Variants in NLRP2 observed in about 807,000 individuals in gnomAD.
The protein encoded by NLRP2 is NLR family pyrin domain containing 2, also known as NACHT, LRR and PYD domains-containing protein 2.
A neutral mutation model predicts 97.2 loss-of-function variants in NLRP2; 107 were observed. That is an observed-to-expected ratio of 1.10 (90% confidence interval 0.94 to 1.29). The LOEUF is 1.29. NLRP2 is among the 50% of genes most tolerant of loss of function. The pLI is 0.00. For synonymous variants in NLRP2, 663 were observed against 551.5 expected (o/e 1.20, Z -2.83); for missense variants, 1,495 against 1,330.3 (o/e 1.12, Z -1.93).
chr19:54,983,051 C>T lies in NLRP2; in HGVS notation c.1353C>T (p.Ser451=), dbSNP rs754039306. The change falls in exon 6 of 13, where the codon AGC becomes AGT. Residue 451 remains serine (S), a synonymous_variant. Coordinates refer to ENST00000448584, the MANE Select transcript of NLRP2 (RefSeq NM_017852.5). ...AQLRGALRTL[S]LLAAQGLWAQ... Reference sequence around the variant, plus strand: ...TGCGGGGCGCGCTGCGGACGCTGAGCCTCCTGGCCGCGCAGGGCCTGTGGG... The same window carrying T: ...TGCGGGGCGCGCTGCGGACGCTGAGTCTCCTGGCCGCGCAGGGCCTGTGGG... The T allele has an allele frequency of 6.2e-6, 10 of 1,611,478 alleles. No individual in the cohort carries two copies. In the Admixed American group the frequency reaches 1.5e-4, roughly 24 times the overall value.
chr19:54,996,677 C>G (rs1464015396), intron 11 of NLRP2, among the ~76,000 whole-genome samples: 2 of 152,092 alleles, frequency 1.3e-5, no homozygotes, highest in Non-Finnish European at 2.9e-5. Context: ...CTCATGCCCG[C>G]TGCCTGGATG....
At chr19:54,990,917 T>C (rs2072435454) in intron 10 of NLRP2, 1 of 554,722 alleles carries the variant, frequency 1.8e-6, no homozygotes, top group Admixed American at 3.1e-5. Flanking sequence ...TTTTCCTCTT[T>C]ATGTATGTAT....
rs766098415 is a variant in NLRP2 at position 54,983,046 on chromosome 19, C to T, written c.1348C>T (p.Leu450=). The T allele has an allele frequency of 1.2e-6, 2 of 1,611,482 alleles. No homozygotes were observed. The highest frequency in any genetic ancestry group is 8.5e-7 in the Non-Finnish European group (1 of 1,179,364). The change falls in exon 6 of 13, where the codon CTG becomes TTG. Residue 450 remains leucine, a synonymous_variant. Coordinates refer to ENST00000448584, the MANE Select transcript of NLRP2 (RefSeq NM_017852.5). The stretch of plus-strand genomic sequence containing the variant: ...ACAGCTGCGGGGCGCGCTGCGGACG[C>T]TGAGCCTCCTGGCCGCGCAGGGCCT... ...GAQLRGALRT[L]SLLAAQGLWA... is the part of the protein sequence containing the mutation.
At chr19:54,976,770 A>G (rs1487357290) in intron 3 of NLRP2, 1 of 421,994 alleles carries the variant, frequency 2.4e-6, no homozygotes, top group South Asian at 1.7e-5. Context: ...ATCCAGGGTT[A>G]AGCTGCAGAT....
rs563960353 is a variant in NLRP2 at position 54,986,313 on chromosome 19, C to T, written c.2364C>T (p.Leu788=). The change falls in exon 8 of 13, where the codon CTC becomes CTT. Residue 788 remains leucine (L), a splice_region_variant and synonymous_variant. Transcript: ENST00000448584. ...ATCCAGAATGTAACCTGCGATATCT[C>T]GGGTATATCTCTTAATCATTAAAAT... is the stretch of plus-strand genomic sequence containing the variant. ...LRHPECNLRY[L]GLVSCSATTQ... is the part of the protein sequence containing the mutation. 2.5e-5 allele frequency: 41 copies of T among 1,612,544 alleles called. No individual in the cohort carries two copies. In the Middle Eastern group the frequency reaches 6.6e-4, roughly 26 times the overall value.
rs752356355 is a variant in NLRP2 at position 54,983,683 on chromosome 19, TC to T, written c.1988del (p.Pro663ArgfsTer39). The T allele has an allele frequency of 6.2e-7, 1 of 1,613,712 alleles. No individual in the cohort carries two copies. The highest frequency in any genetic ancestry group is 8.5e-7 in the Non-Finnish European group (1 of 1,180,010). On this transcript the variant is annotated frameshift_variant, in exon 6 of 13. Transcript: ENST00000448584. LOFTEE classifies it high-confidence loss of function. ...TCACTGCAGGTAATAAAGGAGAATC[TC>T]CCGGAGAATGTCACTGCGTCTGAAT... ...KMSLQVIKEN[L>X]PENVTASESD...
chr19:54,981,259 C>A (rs1001548818), intron 4 of NLRP2, among the ~76,000 whole-genome samples: 1 of 152,028 alleles, frequency 6.6e-6, no homozygotes, highest in Non-Finnish European at 1.5e-5. Flanking sequence ...CTCCATCTCC[C>A]AGGTTCAAGC....
At chr19:54,997,801 C>A (rs1207132495) in intron 12 of NLRP2, among the ~76,000 whole-genome samples, 1 of 151,246 alleles carries the variant, frequency 6.6e-6, no homozygotes, top group Non-Finnish European at 1.5e-5. Flanking sequence ...CTATGTTCCC[C>A]AGGCTGGAGT....
intron 3 of NLRP2, among the ~76,000 whole-genome samples, chr19:54,975,101 G>GTTTTTTTTTTTTTTT (rs1190231820): frequency 2.4e-5 from 2 of 83,084 alleles, no homozygotes; most frequent in East Asian, 3.6e-4. Context: ...ACCACACCCG[G>GTTTTTTTTTTTTTTT]TTTTGTTTTT....
In NLRP2 at chr19:54,980,836, G is replaced by A. The variant is rs185346987; in HGVS notation, c.398-781G>A. ...ACCATAAAAGCAGACCTGGCCCAGT[G>A]CAGTGGTTCATGCCTGCAATCCCAG... On this transcript the variant is annotated intron_variant, in intron 4 of 12. Transcript: ENST00000448584. 2.5e-3 allele frequency among the ~76,000 whole-genome samples: 385 copies of A among 152,308 alleles called. 8 individuals are homozygous for A. The highest frequency in any genetic ancestry group is 0.022 in the Admixed American group (334 of 15,270).
At chr19:54,968,018 A>T (rs1173737105) in intron 1 of NLRP2, among the ~76,000 whole-genome samples, 1 of 150,292 alleles carries the variant, frequency 6.7e-6, no homozygotes, top group Non-Finnish European at 1.5e-5. Flanking sequence ...TCCCAGGTTC[A>T]AGCAATTCTC....
At chr19:54,983,791 A>G (rs2071832276) in intron 6 of NLRP2, 63 bp downstream of exon 6, 1 of 1,594,958 alleles carries the variant, frequency 6.3e-7, no homozygotes, top group South Asian at 1.1e-5. Context: ...CCCCTTAGGA[A>G]GAGGCCAGAG....
intron 2 of NLRP2, among the ~76,000 whole-genome samples, chr19:54,971,076 G>T (rs1472127426): frequency 6.9e-6 from 1 of 144,448 alleles, no homozygotes; most frequent in Admixed American, 7.2e-5. Context: ...GCGGTGTTTG[G>T]TTTTTTGTTC....
intron 8 of NLRP2, among the ~76,000 whole-genome samples, chr19:54,987,949 C>G (rs1169778019): frequency 6.6e-6 from 1 of 152,080 alleles, no homozygotes; most frequent in South Asian, 2.1e-4. Flanking sequence ...GAGGCTGATG[C>G]AAGAGAATTG....
chr19:54,986,556 C>CA (rs549737179), intron 8 of NLRP2, among the ~76,000 whole-genome samples: 91 of 144,592 alleles, frequency 6.3e-4, no homozygotes, highest in African/African-American at 2.2e-3. Context: ...TCTTTATCAT[C>CA]TTTTTTTTTT....
chr19:54,999,722 A>G (rs73612064), intron 12 of NLRP2, among the ~76,000 whole-genome samples: 3 of 152,146 alleles, frequency 2.0e-5, no homozygotes, highest in African/African-American at 7.2e-5. Context: ...AGTCTTTAAT[A>G]TTACATTTTA....
In NLRP2 at chr19:54,983,649, C is replaced by T; in HGVS notation, c.1951C>T (p.Gln651Ter). The change falls in exon 6 of 13, where the codon CAG becomes TAG. Residue 651 changes from glutamine to a stop codon, truncating the protein, a stop_gained. Coordinates refer to ENST00000448584, the MANE Select transcript of NLRP2 (RefSeq NM_017852.5). LOFTEE classifies it high-confidence loss of function. ...CTGCGTCAAGCACTGTCGAAACCTG[C>T]AGAAAATGTCACTGCAGGTAATAAA... The part of the protein sequence containing the change: ...SFCVKHCRNL[Q>*]KMSLQVIKEN... 1.2e-6 allele frequency: 2 copies of T among 1,614,106 alleles called. No individual in the cohort carries two copies. Among genetic ancestry groups the T allele is most frequent in the East Asian group, 2.2e-5 (1 of 44,888 alleles).
intron 11 of NLRP2, among the ~76,000 whole-genome samples, chr19:54,994,874 G>C (rs2072718976): frequency 6.6e-6 from 1 of 151,546 alleles, no homozygotes; most frequent in African/African-American, 2.4e-5. Context: ...CTCCCAAAGT[G>C]CTGGGATTAC....
intron 8 of NLRP2, among the ~76,000 whole-genome samples, chr19:54,988,983 A>AGTCTTGCTCT (rs2072279512): frequency 6.6e-6 from 1 of 151,934 alleles, no homozygotes; most frequent in African/African-American, 2.4e-5. Flanking sequence ...TTTGAGACGG[A>AGTCTTGCTCT]GTCTTGCTCT....
Sources: allele counts gnomAD v4.1 joint callset (sites outside exome capture counted in the v4.1 genomes callset), GRCh38; gene constraint gnomAD v4.1.1; transcripts MANE v1.5; gene names NCBI Gene and HGNC (gene_info 2026-07-23, HGNC 2026-07-21).